The following TRPM3 variants were observed in gnomAD, a reference collection of about 807,000 sequenced individuals.
The protein encoded by TRPM3 is long transient receptor potential channel 3.
A neutral mutation model predicts 181.2 loss-of-function variants in TRPM3; 77 were observed. The observed-to-expected ratio is 0.42, with a 90% CI of 0.35 to 0.51. The LOEUF is 0.51. Among genes scored for constraint, TRPM3 ranks in the 20% least tolerant of loss-of-function variants. The pLI is 0.01. For missense variants in TRPM3, 1,759 were observed against 2,196.7 expected (o/e 0.80, Z 3.98); for synonymous variants, 745 against 796.4 (o/e 0.94, Z 1.09).
intron 1 of TRPM3, among the ~76,000 whole-genome samples, chr9:71,035,957 C>T (rs2058134031): frequency 7.1e-6 from 1 of 141,280 alleles, no homozygotes; most frequent in East Asian, 2.1e-4. Context: ...CCATATGAAA[C>T]TCAACTTGGT....
intron 8 of TRPM3, among the ~76,000 whole-genome samples, chr9:70,685,607 A>G (rs1483062667): frequency 6.6e-6 from 1 of 152,024 alleles, no homozygotes; most frequent in Non-Finnish European, 1.5e-5. Context: ...GGGTCTCACT[A>G]TGTTGCCCAG....
In TRPM3 at chr9:70,751,161, A is replaced by G. The variant is rs2076074873; in HGVS notation, c.1272+10440T>C. 2.0e-5 allele frequency among the ~76,000 whole-genome samples: 3 copies of G among 152,164 alleles called. No homozygotes were observed. In the South Asian group the frequency reaches 6.2e-4, roughly 32 times the overall value. On this transcript the variant is annotated intron_variant, in intron 8 of 25. Coordinates refer to ENST00000677713, the MANE Select transcript of TRPM3 (RefSeq NM_001366145.2). The stretch of plus-strand genomic sequence containing the variant: ...ATATGACGTTAAAAACAAAAGCTAT[A>G]TATAATTTTTAAGAAACTCATCTAA...
At chr9:71,330,032 GA>G (rs1239316682) in intron 1 of TRPM3, among the ~76,000 whole-genome samples, 1 of 148,066 alleles carries the variant, frequency 6.8e-6, no homozygotes, top group Non-Finnish European at 1.5e-5. Context: ...AAGTACAATA[GA>G]AGAAAGCCAA....
chr9:71,032,033 A>AT (rs1554806773), intron 1 of TRPM3, among the ~76,000 whole-genome samples: 351 of 992 alleles, frequency 0.35, 19 homozygotes, highest in South Asian at 0.49. Flanking sequence ...ATATAATATA[A>AT]ATATATATAT....
intron 1 of TRPM3, among the ~76,000 whole-genome samples, chr9:71,042,187 T>C (rs531437874): frequency 3.9e-5 from 6 of 152,218 alleles, no homozygotes; most frequent in Admixed American, 6.5e-5. Flanking sequence ...CCTTAGAATA[T>C]TGAAGTTGTT....
chr9:71,272,554 C>T (rs2083883639), intron 1 of TRPM3, among the ~76,000 whole-genome samples: 3 of 152,054 alleles, frequency 2.0e-5, no homozygotes, highest in Non-Finnish European at 2.9e-5. Flanking sequence ...GAAACAGACT[C>T]AGAGGTTTCT....
At position 70,757,434 on chromosome 9, in the gene TRPM3, A is replaced by C. The variant is rs548404365; in HGVS notation, c.1272+4167T>G. The stretch of plus-strand genomic sequence containing the variant: ...AGAGGAGCTGGTACCATTCCTTCTG[A>C]ATCTATTCCAAAAAATAGAAAAAGA... On this transcript the variant is annotated intron_variant, in intron 8 of 25. Coordinates refer to ENST00000677713, the MANE Select transcript of TRPM3 (RefSeq NM_001366145.2). Among the ~76,000 whole-genome samples the C allele has an allele frequency of 4.7e-3, 714 of 152,348 alleles. 3 individuals are homozygous for C. Among genetic ancestry groups the C allele is most frequent in the Middle Eastern group, 0.01 (3 of 294 alleles).
At chr9:71,295,822 G>C (rs1041955584) in intron 1 of TRPM3, among the ~76,000 whole-genome samples, 14 of 130,440 alleles carry the variant, frequency 1.1e-4, no homozygotes, top group South Asian at 5.0e-4. Context: ...TTGGGCAACA[G>C]AGTGAGATCC....
chr9:71,051,225 A>G (rs940645634), intron 1 of TRPM3, among the ~76,000 whole-genome samples: 5 of 152,188 alleles, frequency 3.3e-5, no homozygotes, highest in Admixed American at 6.6e-5. Context: ...CTCAGCCTCT[A>G]CTTCGTAACT....
chr9:70,921,547 A>C (rs1479293772), intron 1 of TRPM3, among the ~76,000 whole-genome samples: 1 of 152,190 alleles, frequency 6.6e-6, no homozygotes, highest in Non-Finnish European at 1.5e-5. Context: ...ACATTTCTCC[A>C]CTGGGGAGAA....
At chr9:71,139,360 G>A (rs2074962123) in intron 1 of TRPM3, among the ~76,000 whole-genome samples, 1 of 152,146 alleles carries the variant, frequency 6.6e-6, no homozygotes, top group Non-Finnish European at 1.5e-5. Flanking sequence ...AATTCCTAGA[G>A]ATGTGTTCAA....
At chr9:71,329,066 T>A (rs546386880) in intron 1 of TRPM3, among the ~76,000 whole-genome samples, 4 of 152,232 alleles carry the variant, frequency 2.6e-5, no homozygotes, top group African/African-American at 9.6e-5. Context: ...TAGGTGACAA[T>A]AGAACTATTA....
intron 1 of TRPM3, among the ~76,000 whole-genome samples, chr9:70,930,753 T>A (rs2096768379): frequency 6.6e-6 from 1 of 152,134 alleles, no homozygotes. Context: ...AAAAGTGATA[T>A]CCTTAAATAC....
intron 1 of TRPM3, among the ~76,000 whole-genome samples, chr9:70,878,789 T>C (rs1436851284): frequency 6.6e-6 from 1 of 152,022 alleles, no homozygotes; most frequent in African/African-American, 2.4e-5. Context: ...GAAGCATCAG[T>C]AGCATCTGAG....
At chr9:71,364,723 T>C (rs1479933687) in intron 1 of TRPM3, among the ~76,000 whole-genome samples, 1 of 152,208 alleles carries the variant, frequency 6.6e-6, no homozygotes, top group Non-Finnish European at 1.5e-5. Flanking sequence ...GAGTAGTATG[T>C]CTCATTAAGT....
chr9:71,011,772 T>G (rs2097743761), intron 1 of TRPM3, among the ~76,000 whole-genome samples: 1 of 145,602 alleles, frequency 6.9e-6, no homozygotes, highest in Admixed American at 7.1e-5. Context: ...CATCCATGGT[T>G]TTTTTTTTTG....
chr9:71,113,900 T>G (rs1023923335), intron 1 of TRPM3, among the ~76,000 whole-genome samples: 1 of 152,206 alleles, frequency 6.6e-6, no homozygotes, highest in Non-Finnish European at 1.5e-5. Context: ...TCATCTGGGT[T>G]GTTTGTGAAA....
intron 1 of TRPM3, among the ~76,000 whole-genome samples, chr9:70,925,794 C>G (rs2096715485): frequency 6.6e-6 from 1 of 151,946 alleles, no homozygotes; most frequent in Non-Finnish European, 1.5e-5. Flanking sequence ...TTCTCACTGT[C>G]AATACAGGTT....
At chr9:71,302,742 G>A (rs1175033712) in intron 1 of TRPM3, among the ~76,000 whole-genome samples, 1 of 148,266 alleles carries the variant, frequency 6.7e-6, no homozygotes, top group Non-Finnish European at 1.5e-5. Flanking sequence ...TCAGCATAGA[G>A]ATTATTAATG....
Sources: allele counts gnomAD v4.1 joint callset (sites outside exome capture counted in the v4.1 genomes callset), GRCh38; gene constraint gnomAD v4.1.1; transcripts MANE v1.5; gene names NCBI Gene and HGNC (gene_info 2026-07-23, HGNC 2026-07-21).